Variants in RHD observed in about 807,000 individuals in gnomAD.
The protein encoded by RHD is Rh blood group D antigen, also known as blood group Rh(D) polypeptide.
RHD carries 16 observed loss-of-function variants against 45.5 expected under a neutral mutation model. The observed-to-expected ratio is 0.35, with a 90% CI of 0.24 to 0.53. The LOEUF (loss-of-function observed/expected upper bound fraction) is 0.53. Among genes scored for constraint, RHD ranks in the 20% least tolerant of loss-of-function variants. The pLI, the probability that RHD is intolerant of heterozygous loss-of-function variation, is 0.92. For missense variants in RHD, 306 were observed against 532.0 expected (o/e 0.58, Z 4.18); for synonymous variants, 131 against 217.5 (o/e 0.60, Z 3.50).
At position 25,286,258 on chromosome 1, in the gene RHD, G is replaced by T. The variant is rs1163182132; in HGVS notation, c.335+1499G>T. On this transcript the variant is annotated intron_variant, in intron 2 of 9. Coordinates refer to ENST00000328664, the MANE Select transcript of RHD (RefSeq NM_016124.6). ...AATCCCAGTACTTTTGGGAACCGAG[G>T]TGGGCAGATCACTTGAGCCCAGAAG... Among the ~76,000 whole-genome samples the T allele has an allele frequency of 9.6e-5, 13 of 135,456 alleles. 1 individual carries two copies. Among genetic ancestry groups the T allele is most frequent in the Non-Finnish European group, 2.3e-4 (13 of 57,084 alleles). 88.9% of individuals were successfully genotyped at this position (135,456 alleles called of 152,430 possible).
chr1:25,281,634 G>C lies in RHD; in HGVS notation c.149-2939G>C, dbSNP rs1044862140. Among the ~76,000 whole-genome samples, 7 of 131,280 alleles carry C rather than the reference G, an allele frequency of 5.3e-5. 1 individual carries two copies. The highest frequency in any genetic ancestry group is 1.8e-4 in the African/African-American group (7 of 38,268). The allele number at this position is 131,280 out of a possible 152,430, so 86.1% of individuals were successfully genotyped here. ...AGTAATCCCAAGAGGAACCCCTGTA[G>C]AAAATGTCCCCTGGCCACACACCCC... On this transcript the variant is annotated intron_variant, in intron 1 of 9. Transcript: ENST00000328664.
intron 1 of RHD, among the ~76,000 whole-genome samples, chr1:25,275,512 T>C (rs1248202640): frequency 7.6e-6 from 1 of 131,538 alleles, no homozygotes; most frequent in African/African-American, 2.6e-5. Flanking sequence ...AGTGTAGTAT[T>C]GACCTGAGGA....
chr1:25,306,251 A>T (rs1643822292), intron 6 of RHD, among the ~76,000 whole-genome samples: 1 of 131,778 alleles, frequency 7.6e-6, no homozygotes, highest in South Asian at 2.3e-4. Flanking sequence ...TACAGTACAC[A>T]GGGCAGCCCC....
Position 25,319,748 on chromosome 1 carries a change from A to C in RHD, c.1154-2141A>C, listed in dbSNP as rs1368753276. 1.5e-5 allele frequency among the ~76,000 whole-genome samples: 2 copies of C among 132,824 alleles called. 1 individual carries two copies. The highest frequency in any genetic ancestry group is 3.6e-5 in the Non-Finnish European group (2 of 55,954). The allele number at this position is 132,824 out of a possible 152,430, so 87.1% of individuals were successfully genotyped here. A position where few individuals can be genotyped will look rare whatever the true frequency, so the allele number is the denominator to read the frequency against. On this transcript the variant is annotated intron_variant, in intron 8 of 9. Coordinates refer to ENST00000328664, the MANE Select transcript of RHD (RefSeq NM_016124.6). ...TCTATGGGCCTGTCTGTATTTATTT[A>C]AGAAACAATCCTATCAAGCATAGTT...
rs1388416089 is a variant in RHD at position 25,320,271 on chromosome 1, C to A, written c.1154-1618C>A. Reference sequence around the variant, plus strand: ...GAGAGATTAGAACAACAACCCTCCACAGCTACACACCTTTTCCACGTTATA... The same window carrying A: ...GAGAGATTAGAACAACAACCCTCCAAAGCTACACACCTTTTCCACGTTATA... On this transcript the variant is annotated intron_variant, in intron 8 of 9. Transcript: ENST00000328664. Among the ~76,000 whole-genome samples the A allele has an allele frequency of 4.5e-5, 6 of 132,250 alleles. 1 individual carries two copies. Among genetic ancestry groups the A allele is most frequent in the African/African-American group, 1.3e-4 (5 of 38,934 alleles). The allele number at this position is 132,250 out of a possible 152,430, so 86.8% of individuals were successfully genotyped here.
At chr1:25,283,693 G>T (rs1454113004) in intron 1 of RHD, among the ~76,000 whole-genome samples, 1 of 133,982 alleles carries the variant, frequency 7.5e-6, no homozygotes, top group South Asian at 2.2e-4. Flanking sequence ...TTAAAACAGC[G>T]TAGGCACATG....
Position 25,322,566 on chromosome 1 carries a change from A to G in RHD, c.1227+604A>G, listed in dbSNP as rs537637507. Among the ~76,000 whole-genome samples, 6 of 132,586 alleles carry G rather than the reference A, an allele frequency of 4.5e-5. 1 individual carries two copies. Among genetic ancestry groups the G allele is most frequent in the East Asian group, 2.0e-4 (1 of 5,098 alleles). 87.0% of individuals were successfully genotyped at this position (132,586 alleles called of 152,430 possible). A position where few individuals can be genotyped will look rare whatever the true frequency, so the allele number is the denominator to read the frequency against. On this transcript the variant is annotated intron_variant, in intron 9 of 9. Transcript: ENST00000328664. Reference sequence around the variant, plus strand: ...CACATGCCTGTAATCCCAGTTACTCAGGAGGCTGAGGCAGGAGAATCACTT... The same window carrying G: ...CACATGCCTGTAATCCCAGTTACTCGGGAGGCTGAGGCAGGAGAATCACTT...
At position 25,290,666 on chromosome 1, in the gene RHD, T is replaced by G; in HGVS notation, c.361T>G (p.Leu121Val). Residue 121 changes from leucine to valine, a missense_variant, in exon 3 of 10, where the codon TTG becomes GTG. By Grantham distance (32) the Leu-to-Val change is conservative. Coordinates refer to ENST00000328664, the MANE Select transcript of RHD (RefSeq NM_016124.6). ...FSIRLATMSA[L>V]SVLISVDAVL... Reference sequence around the variant, plus strand: ...TATTCGGCTGGCCACCATGAGTGCTTTGTCGGTGCTGATCTCAGTGGATGC... The same window carrying G: ...TATTCGGCTGGCCACCATGAGTGCTGTGTCGGTGCTGATCTCAGTGGATGC... 1 of 1,378,196 alleles carries G rather than the reference T, an allele frequency of 7.3e-7. No individual in the cohort carries two copies. The highest frequency in any genetic ancestry group is 1.0e-6 in the Non-Finnish European group (1 of 978,242). 85.4% of individuals were successfully genotyped at this position (1,378,196 alleles called of 1,614,324 possible).
In RHD at chr1:25,314,495, CTTCT is replaced by C. The variant is rs1201827651; in HGVS notation, c.1074-2494_1074-2491del. ...TCCCACTTTGTGCGTTACCTTTTTC[CTTCT>C]TTCTTTCTTTTTGAAACAGAGTCTC... On this transcript the variant is annotated intron_variant, in intron 7 of 9. Coordinates refer to ENST00000328664, the MANE Select transcript of RHD (RefSeq NM_016124.6). Among the ~76,000 whole-genome samples, 3 of 130,514 alleles carry C rather than the reference CTTCT, an allele frequency of 2.3e-5. 1 individual carries two copies. Among genetic ancestry groups the C allele is most frequent in the Non-Finnish European group, 5.4e-5 (3 of 55,590 alleles). The allele number at this position is 130,514 out of a possible 152,430, so 85.6% of individuals were successfully genotyped here.
intron 6 of RHD, among the ~76,000 whole-genome samples, chr1:25,305,374 ATATTTATT>A (rs34347122): frequency 0.36 from 38,534 of 106,602 alleles, 11,717 homozygotes; most frequent in African/African-American, 0.56. Context: ...AGGAGTCTGG[ATATTTATT>A]TATTTATTTA....
rs895838459 is a variant in RHD at position 25,314,236 on chromosome 1, C to T, written c.1074-2764C>T. On this transcript the variant is annotated intron_variant, in intron 7 of 9. Coordinates refer to ENST00000328664, the MANE Select transcript of RHD (RefSeq NM_016124.6). Reference sequence around the variant, plus strand: ...GAAGCTCCTTTTACTCCACATTTTGCCAACACTTGGTGTTTTCCTTCTTTT... The same window carrying T: ...GAAGCTCCTTTTACTCCACATTTTGTCAACACTTGGTGTTTTCCTTCTTTT... Among the ~76,000 whole-genome samples the T allele has an allele frequency of 1.1e-4, 14 of 132,732 alleles. 4 individuals carry two copies. The highest frequency in any genetic ancestry group is 1.4e-4 in the Non-Finnish European group (8 of 56,002). The allele number at this position is 132,732 out of a possible 152,430, so 87.1% of individuals were successfully genotyped here. A position where few individuals can be genotyped will look rare whatever the true frequency, so the allele number is the denominator to read the frequency against.
intron 3 of RHD, among the ~76,000 whole-genome samples, chr1:25,291,152 A>C (rs778283113): frequency 8.0e-6 from 1 of 125,746 alleles, no homozygotes; most frequent in Non-Finnish European, 1.8e-5. Context: ...GGATAGACAG[A>C]TAGATAGATA....
At chr1:25,301,760 C>T in intron 5 of RHD, 74 bp downstream of exon 5, 1 of 1,086,962 alleles carries the variant, frequency 9.2e-7, no homozygotes, top group Non-Finnish European at 1.4e-6. Context: ...CCCTCCCCAC[C>T]CCAGGGCCAG....
chr1:25,318,047 G>T (rs150762814), intron 8 of RHD: 1 of 131,670 alleles, frequency 7.6e-6, no homozygotes, highest in Non-Finnish European at 1.8e-5. Flanking sequence ...ATGTGGCTAG[G>T]TGCAGTGGCT....
rs1317623166 is a variant in RHD, at chr1:25,322,504, C to T, written c.1227+542C>T. ...CCTGGCCAACGTGTCGAAACCCCAT[C>T]TCTACTAAAAATACAAAAGTTAGCT... is the stretch of plus-strand genomic sequence containing the variant. On this transcript the variant is annotated intron_variant, in intron 9 of 9. Transcript: ENST00000328664. Among the ~76,000 whole-genome samples, 5 of 132,494 alleles carry T rather than the reference C, an allele frequency of 3.8e-5. 2 individuals are homozygous for T. Among genetic ancestry groups the T allele is most frequent in the African/African-American group, 7.7e-5 (3 of 38,952 alleles). 86.9% of individuals were successfully genotyped at this position (132,494 alleles called of 152,430 possible).
At chr1:25,299,490 G>C (rs1374008746) in intron 3 of RHD, among the ~76,000 whole-genome samples, 2 of 131,826 alleles carry the variant, frequency 1.5e-5, no homozygotes, top group Non-Finnish European at 3.6e-5. Context: ...CTTGCACCCA[G>C]GGTGGACTAC....
Position 25,289,936 on chromosome 1 carries a change from C to T in RHD, c.336-705C>T, listed in dbSNP as rs602155. Reference sequence around the variant, plus strand: ...ATCATAATAGCGTTAATAAGGCTAGCGTCTTTTCAGAAGTTGGTTCTTTGT... The same window carrying T: ...ATCATAATAGCGTTAATAAGGCTAGTGTCTTTTCAGAAGTTGGTTCTTTGT... On this transcript the variant is annotated intron_variant, in intron 2 of 9. Coordinates refer to ENST00000328664, the MANE Select transcript of RHD (RefSeq NM_016124.6). Among the ~76,000 whole-genome samples, 4 of 130,136 alleles carry T rather than the reference C, an allele frequency of 3.1e-5. 1 individual carries two copies. The highest frequency in any genetic ancestry group is 5.4e-5 in the Non-Finnish European group (3 of 55,416). 85.4% of individuals were successfully genotyped at this position (130,136 alleles called of 152,430 possible). A position where few individuals can be genotyped will look rare whatever the true frequency, so the allele number is the denominator to read the frequency against.
rs1422012711 is a variant in RHD at position 25,295,868 on chromosome 1, T to G, written c.486+5077T>G. Among the ~76,000 whole-genome samples, 13 of 104,938 alleles carry G rather than the reference T, an allele frequency of 1.2e-4. 2 individuals are homozygous for G. The highest frequency in any genetic ancestry group is 1.8e-4 in the Non-Finnish European group (8 of 43,854). The allele number at this position is 104,938 out of a possible 152,430, so 68.8% of individuals were successfully genotyped here. On this transcript the variant is annotated intron_variant, in intron 3 of 9. Transcript: ENST00000328664. ...ATGGGAAATTTTTTTTTTTTTTTTT[T>G]TTTTTTTTTTTGAGATGGAGTTTCG...
rs1483730082 is a variant in RHD at position 25,291,944 on chromosome 1, A to G, written c.486+1153A>G. 1.5e-5 allele frequency among the ~76,000 whole-genome samples: 2 copies of G among 132,498 alleles called. 1 individual carries two copies. The highest frequency in any genetic ancestry group is 3.6e-5 in the Non-Finnish European group (2 of 55,876). The allele number at this position is 132,498 out of a possible 152,430, so 86.9% of individuals were successfully genotyped here. Reference sequence around the variant, plus strand: ...AGATCACATAGCAAGATAGTGGCAGAACCCAAGCGAGAACCCACAGTTCCA... The same window carrying G: ...AGATCACATAGCAAGATAGTGGCAGGACCCAAGCGAGAACCCACAGTTCCA... On this transcript the variant is annotated intron_variant, in intron 3 of 9. Transcript: ENST00000328664.
Sources: allele counts gnomAD v4.1 joint callset (sites outside exome capture counted in the v4.1 genomes callset), GRCh38; gene constraint gnomAD v4.1.1; transcripts MANE v1.5; gene names NCBI Gene and HGNC (gene_info 2026-07-23, HGNC 2026-07-21).